MUC7: variants seen among roughly 807,000 people sequenced by gnomAD.
The protein encoded by MUC7 is mucin-7.
In MUC7, 2 loss-of-function variants were observed where a neutral mutation model predicts 2.5. The observed-to-expected ratio is 0.81, with a 90% CI of 0.33 to 2.55. MUC7 has a LOEUF of 2.55. Ranked by LOEUF, MUC7 falls within the 30% of genes most tolerant of loss-of-function variation. The probability of loss-of-function intolerance (pLI) is 0.11; values close to 1 mark genes in which losing one functional copy is unlikely to be tolerated. For synonymous variants in MUC7, 133 were observed against 173.4 expected (o/e 0.77, Z 1.83); for missense variants, 408 against 455.6 (o/e 0.90, Z 0.95).
intron 1 of MUC7, among the ~76,000 whole-genome samples, chr4:70,443,111 C>T (rs142394572): frequency 3.9e-5 from 6 of 152,186 alleles, no homozygotes; most frequent in African/African-American, 1.2e-4. Flanking sequence ...CACTGAAGTT[C>T]ACCAAAAAAT....
At chr4:70,445,429 A>G (rs1179590458) in intron 1 of MUC7, among the ~76,000 whole-genome samples, 3 of 152,238 alleles carry the variant, frequency 2.0e-5, no homozygotes, top group African/African-American at 7.2e-5. Context: ...CTGCCATAGA[A>G]GATTATGTAA....
At chr4:70,443,347 C>T (rs1734050681) in intron 1 of MUC7, among the ~76,000 whole-genome samples, 1 of 150,596 alleles carries the variant, frequency 6.6e-6, no homozygotes. Flanking sequence ...CCAATCAAAT[C>T]CTGCGCTAAA....
intron 1 of MUC7, among the ~76,000 whole-genome samples, chr4:70,432,096 C>A (rs1244832657): frequency 6.6e-6 from 1 of 152,146 alleles, no homozygotes; most frequent in East Asian, 1.9e-4. Context: ...TTTATGGCTG[C>A]ATAGTATTCC....
chr4:70,433,632 C>T (rs894685032), intron 1 of MUC7, among the ~76,000 whole-genome samples: 4 of 152,110 alleles, frequency 2.6e-5, no homozygotes, highest in African/African-American at 9.7e-5. Context: ...TGGGCTGAGA[C>T]AATGTGTTTT....
chr4:70,480,465 C>A (rs898812733), intron 2 of MUC7, among the ~76,000 whole-genome samples: 9 of 152,126 alleles, frequency 5.9e-5, no homozygotes, highest in African/African-American at 2.2e-4. Flanking sequence ...GTGATGGGAC[C>A]TCAGGCAGTA....
chr4:70,465,765 C>T (rs1057187101), intron 1 of MUC7, among the ~76,000 whole-genome samples: 11 of 152,116 alleles, frequency 7.2e-5, no homozygotes, highest in African/African-American at 2.2e-4. Flanking sequence ...ACCAAACTTA[C>T]GCTTGATTGG....
At chr4:70,452,538 A>G (rs1336286192) in intron 1 of MUC7, among the ~76,000 whole-genome samples, 4 of 104,834 alleles carry the variant, frequency 3.8e-5, no homozygotes, top group African/African-American at 1.3e-4. Context: ...AAGAAAACTA[A>G]AAAAGAACAA....
rs41343753 is a variant in MUC7 at position 70,475,406 on chromosome 4, A to G, written c.54+1331A>G. ...TGGATATATGTTGTCTGGAGTTCAG[A>G]AAGAAATCTAGGGGTAAAGTCTATA... On this transcript the variant is annotated intron_variant, in intron 2 of 2. Coordinates refer to ENST00000304887, the MANE Select transcript of MUC7 (RefSeq NM_152291.3). Among the ~76,000 whole-genome samples, 652 of 152,340 alleles carry G rather than the reference A, an allele frequency of 4.3e-3. 2 individuals are homozygous for G. The highest frequency in any genetic ancestry group is 7.5e-3 in the Non-Finnish European group (508 of 68,028).
In MUC7 at chr4:70,481,770, T is replaced by C. The variant is rs1236239473; in HGVS notation, c.1026T>C (p.Thr342=). The part of the protein sequence containing the change: ...QTTTSVTTQT[T]TTKQPTSAPG... ...CTACTTCGGTCACTACTCAAACTAC[T>C]ACTACTAAACAACCAACTTCAGCTC... Residue 342 remains threonine, a synonymous_variant, in exon 3 of 3, where the codon ACT becomes ACC. Transcript: ENST00000304887. The C allele has an allele frequency of 1.2e-6, 2 of 1,614,194 alleles. No homozygotes were observed. Among genetic ancestry groups the C allele is most frequent in the Non-Finnish European group, 1.7e-6 (2 of 1,180,022 alleles).
At chr4:70,459,239 A>G (rs989846401) in intron 1 of MUC7, among the ~76,000 whole-genome samples, 2 of 152,254 alleles carry the variant, frequency 1.3e-5, no homozygotes, top group Non-Finnish European at 2.9e-5. Context: ...ACCATGGAAT[A>G]CCATGCAGCC....
At chr4:70,474,119 C>G in intron 2 of MUC7, 44 bp downstream of exon 2, 1 of 1,544,348 alleles carries the variant, frequency 6.5e-7, no homozygotes, top group Non-Finnish European at 8.9e-7. Context: ...CTATCAATAA[C>G]AAACATTTAG....
At chr4:70,473,972 T>C in intron 1 of MUC7, 35 bp from the exon 2 acceptor site, 1 of 1,480,816 alleles carries the variant, frequency 6.8e-7, no homozygotes, top group South Asian at 1.2e-5. Context: ...CATAATATCA[T>C]AACTAATAGT....
At chr4:70,469,921 G>A (rs1376651247), upstream of MUC7, among the ~76,000 whole-genome samples, 1 of 151,992 alleles carries the variant, frequency 6.6e-6, no homozygotes, top group African/African-American at 2.4e-5. Context: ...TATACCCAAA[G>A]GATTATAAAT....
intron 1 of MUC7, among the ~76,000 whole-genome samples, chr4:70,465,695 A>C (rs1174002621): frequency 6.6e-6 from 1 of 152,226 alleles, no homozygotes; most frequent in African/African-American, 2.4e-5. Context: ...ACAAGATTAG[A>C]GAAAAAAGAA....
chr4:70,453,578 G>A (rs1734344615), intron 1 of MUC7, among the ~76,000 whole-genome samples: 1 of 152,194 alleles, frequency 6.6e-6, no homozygotes, highest in Non-Finnish European at 1.5e-5. Context: ...TGTAAGGCCT[G>A]GAACTGGAGA....
At chr4:70,470,769 A>G (rs1384260946), upstream of MUC7, among the ~76,000 whole-genome samples, 1 of 152,146 alleles carries the variant, frequency 6.6e-6, no homozygotes. Flanking sequence ...AGTTGCTAGC[A>G]AAAAAAGATG....
chr4:70,453,537 T>C (rs1734343571), intron 1 of MUC7, among the ~76,000 whole-genome samples: 1 of 152,036 alleles, frequency 6.6e-6, no homozygotes, highest in Admixed American at 6.6e-5. Context: ...TCCCTTCTGG[T>C]CCAGGGGATA....
intron 1 of MUC7, among the ~76,000 whole-genome samples, chr4:70,431,552 T>G (rs1256095324): frequency 6.6e-6 from 1 of 152,132 alleles, no homozygotes; most frequent in Non-Finnish European, 1.5e-5. Flanking sequence ...AAGAGAAAAC[T>G]GAAACTGTTT....
intron 2 of MUC7, among the ~76,000 whole-genome samples, chr4:70,475,247 A>T (rs1249085947): frequency 6.6e-6 from 1 of 152,134 alleles, no homozygotes; most frequent in Non-Finnish European, 1.5e-5. Flanking sequence ...TCACTGCACT[A>T]CAGCCTGGGT....
Sources: allele counts gnomAD v4.1 joint callset (sites outside exome capture counted in the v4.1 genomes callset), GRCh38; gene constraint gnomAD v4.1.1; transcripts MANE v1.5; gene names NCBI Gene and HGNC (gene_info 2026-07-23, HGNC 2026-07-21).